The following PTPRK variants were observed in gnomAD, a reference collection of about 807,000 sequenced individuals.
PTPRK encodes protein tyrosine phosphatase receptor type K, also known as receptor-type tyrosine-protein phosphatase kappa.
PTPRK carries 75 observed loss-of-function variants against 178.0 expected under a neutral mutation model. The observed-to-expected ratio is 0.42, with a 90% CI of 0.35 to 0.51. The LOEUF (loss-of-function observed/expected upper bound fraction) is 0.51. Ranked by LOEUF, PTPRK falls within the 20% of genes least tolerant of loss-of-function variation. The pLI is 0.02. For missense variants in PTPRK, 1,441 were observed against 1,797.8 expected, an observed-to-expected ratio of 0.80 and a Z score of 3.59; for synonymous variants, 637 against 620.6, an observed-to-expected ratio of 1.03 and a Z score of -0.39.
At chr6:127,978,903 A>C (rs1774924378) in intron 25 of PTPRK, among the ~76,000 whole-genome samples, 1 of 152,044 alleles carries the variant, frequency 6.6e-6, no homozygotes, top group South Asian at 2.1e-4. Flanking sequence ...TGAACAATAA[A>C]CCCTGTTCTT....
intron 7 of PTPRK, 116 bp downstream of exon 7, chr6:128,184,316 T>C (rs982482527): frequency 3.0e-5 from 32 of 1,076,262 alleles, no homozygotes; most frequent in Non-Finnish European, 4.1e-5. Context: ...ATTGGAACTC[T>C]TAATAGTGTG....
intron 1 of PTPRK, among the ~76,000 whole-genome samples, chr6:128,457,164 T>C (rs1446098973): frequency 1.3e-5 from 2 of 152,102 alleles, no homozygotes; most frequent in Admixed American, 1.3e-4. Flanking sequence ...GAGGTAATAT[T>C]CAAAATTTAC....
At chr6:128,195,144 A>T (rs1024538934) in intron 6 of PTPRK, among the ~76,000 whole-genome samples, 1 of 151,948 alleles carries the variant, frequency 6.6e-6, no homozygotes, top group Non-Finnish European at 1.5e-5. Context: ...AAATGTCATC[A>T]GCCTAAATTC....
chr6:128,059,026 AT>A (rs1046227222), intron 13 of PTPRK, among the ~76,000 whole-genome samples: 6 of 151,974 alleles, frequency 3.9e-5, no homozygotes, highest in African/African-American at 9.7e-5. Flanking sequence ...ACTGGTCATA[AT>A]TTTTATTCTT....
intron 2 of PTPRK, among the ~76,000 whole-genome samples, chr6:128,324,621 T>C (rs1829300114): frequency 6.6e-6 from 1 of 152,142 alleles, no homozygotes; most frequent in Non-Finnish European, 1.5e-5. Flanking sequence ...CTATAGAATG[T>C]TTCCGCTAAA....
At chr6:128,057,338 A>G (rs1484519465) in intron 13 of PTPRK, among the ~76,000 whole-genome samples, 1 of 152,212 alleles carries the variant, frequency 6.6e-6, no homozygotes, top group Non-Finnish European at 1.5e-5. Context: ...TTGACCTTGG[A>G]CTGATGTCCG....
At chr6:128,065,397 C>A (rs1781570743) in intron 12 of PTPRK, among the ~76,000 whole-genome samples, 1 of 152,086 alleles carries the variant, frequency 6.6e-6, no homozygotes, top group Non-Finnish European at 1.5e-5. Context: ...AAAGTAGAAG[C>A]AGTAGGAAAG....
chr6:128,136,812 C>T (rs1340872743), intron 7 of PTPRK, among the ~76,000 whole-genome samples: 1 of 152,212 alleles, frequency 6.6e-6, no homozygotes, highest in African/African-American at 2.4e-5. Context: ...TGGCCCACTT[C>T]ATATGCCCTT....
At chr6:128,208,602 T>C (rs903352059) in intron 6 of PTPRK, among the ~76,000 whole-genome samples, 1 of 152,166 alleles carries the variant, frequency 6.6e-6, no homozygotes, top group African/African-American at 2.4e-5. Flanking sequence ...AGACATCATA[T>C]TTAACTGCCT....
At chr6:128,344,359 C>A (rs1832105783) in intron 2 of PTPRK, among the ~76,000 whole-genome samples, 1 of 152,140 alleles carries the variant, frequency 6.6e-6, no homozygotes. Context: ...ACTCAAGTTA[C>A]ATCAGGATTC....
intron 13 of PTPRK, among the ~76,000 whole-genome samples, chr6:128,049,043 G>A (rs1778559768): frequency 6.6e-6 from 1 of 151,866 alleles, no homozygotes; most frequent in South Asian, 2.1e-4. Flanking sequence ...ATCAAAAAAT[G>A]GCTCATGAAT....
intron 7 of PTPRK, 39 bp from the exon 8 acceptor site, chr6:128,090,031 T>A (rs7759323): frequency 1.4e-6 from 2 of 1,460,812 alleles, no homozygotes; most frequent in Non-Finnish European, 1.9e-6. Flanking sequence ...CTGTCTATTA[T>A]ATCATGAATA....
intron 3 of PTPRK, among the ~76,000 whole-genome samples, chr6:128,314,141 A>G (rs1562266090): frequency 6.6e-6 from 1 of 152,134 alleles, no homozygotes; most frequent in East Asian, 1.9e-4. Flanking sequence ...TCCAGGTGAC[A>G]GTTCTTCCTA....
intron 2 of PTPRK, among the ~76,000 whole-genome samples, chr6:128,378,492 A>G (rs1837424374): frequency 6.6e-6 from 1 of 151,850 alleles, no homozygotes; most frequent in Non-Finnish European, 1.5e-5. Context: ...CTTATGTATA[A>G]TTTCCATGTT....
intron 7 of PTPRK, among the ~76,000 whole-genome samples, chr6:128,167,502 A>G (rs1799593998): frequency 1.3e-5 from 2 of 151,986 alleles, no homozygotes; most frequent in Non-Finnish European, 1.5e-5. Context: ...TAGTATTTCC[A>G]TATTACTTCC....
intron 1 of PTPRK, among the ~76,000 whole-genome samples, chr6:128,513,501 G>C (rs1247768167): frequency 6.7e-6 from 1 of 148,440 alleles, no homozygotes; most frequent in Non-Finnish European, 1.5e-5. Context: ...AAAAAAGAAA[G>C]AAAGAAAGAA....
At chr6:128,416,264 A>C (rs1390895047) in intron 1 of PTPRK, among the ~76,000 whole-genome samples, 1 of 152,028 alleles carries the variant, frequency 6.6e-6, no homozygotes, top group Non-Finnish European at 1.5e-5. Flanking sequence ...CAAAAAAAGT[A>C]CAAAAGCAGC....
At chr6:128,139,995 C>T (rs1004881909) in intron 7 of PTPRK, among the ~76,000 whole-genome samples, 3 of 152,014 alleles carry the variant, frequency 2.0e-5, no homozygotes, top group Non-Finnish European at 4.4e-5. Context: ...TACTCAGACA[C>T]TGTCATTCCA....
At chr6:128,381,572 G>C (rs1837921029) in intron 2 of PTPRK, among the ~76,000 whole-genome samples, 1 of 152,114 alleles carries the variant, frequency 6.6e-6, no homozygotes, top group Non-Finnish European at 1.5e-5. Flanking sequence ...CCTTGGGCCA[G>C]AGGGAAGGAG....
Sources: allele counts gnomAD v4.1 joint callset (sites outside exome capture counted in the v4.1 genomes callset), GRCh38; gene constraint gnomAD v4.1.1; transcripts MANE v1.5; gene names NCBI Gene and HGNC (gene_info 2026-07-23, HGNC 2026-07-21).